The following NADK2 variants were observed in gnomAD, a reference collection of about 807,000 sequenced individuals.
NADK2 encodes NAD kinase 2, mitochondrial.
In NADK2, 35 loss-of-function variants were observed where a neutral mutation model predicts 62.1. That is an observed-to-expected ratio of 0.56 (90% confidence interval 0.43 to 0.75). The LOEUF is 0.75. NADK2 is among the 30% of genes least tolerant of loss of function. The pLI is 0.00. For missense variants in NADK2, 439 were observed against 561.3 expected (o/e 0.78, Z 2.20); for synonymous variants, 205 against 207.9 (o/e 0.99, Z 0.12).
intron 4 of NADK2, chr5:36,221,139 C>T (rs1487932599): frequency 1.3e-5 from 2 of 152,144 alleles, no homozygotes; most frequent in Non-Finnish European, 2.9e-5. Flanking sequence ...TACCACATGC[C>T]CTCTATCCCA....
intron 1 of NADK2, among the ~76,000 whole-genome samples, chr5:36,240,188 C>T (rs1312549327): frequency 6.6e-6 from 1 of 152,172 alleles, no homozygotes; most frequent in Non-Finnish European, 1.5e-5. Flanking sequence ...CCTGTTCAAA[C>T]CCTTTATTCT....
intron 1 of NADK2, among the ~76,000 whole-genome samples, chr5:36,228,506 T>C (rs1033636269): frequency 1.3e-5 from 2 of 152,146 alleles, no homozygotes; most frequent in Non-Finnish European, 1.5e-5. Flanking sequence ...GCTCTAATGA[T>C]TCTCCTGCCT....
At chr5:36,223,494 A>G (rs527460781) in intron 4 of NADK2, among the ~76,000 whole-genome samples, 3 of 152,300 alleles carry the variant, frequency 2.0e-5, no homozygotes, top group African/African-American at 7.2e-5. Context: ...TTAGCCAGTA[A>G]CCAAATAGTA....
At chr5:36,200,112 A>T in intron 10 of NADK2, 115 bp downstream of exon 10, 1 of 591,416 alleles carries the variant, frequency 1.7e-6, no homozygotes, top group Non-Finnish European at 2.7e-6. Flanking sequence ...ATATTGTATT[A>T]AAAGCATGTT....
At chr5:36,208,090 C>T (rs1241929565) in intron 7 of NADK2, among the ~76,000 whole-genome samples, 3 of 151,968 alleles carry the variant, frequency 2.0e-5, no homozygotes, top group African/African-American at 4.8e-5. Context: ...ACGATAAAAC[C>T]GTAATAAAAT....
At chr5:36,225,772 C>G (rs1367286016) in intron 3 of NADK2, 149 bp from the exon 4 acceptor site, 3 of 606,258 alleles carry the variant, frequency 4.9e-6, no homozygotes, top group Non-Finnish European at 8.7e-6. Flanking sequence ...CCTATTATAC[C>G]TTTGGATTCT....
chr5:36,223,054 G>A (rs963507659), intron 4 of NADK2, among the ~76,000 whole-genome samples: 6 of 152,266 alleles, frequency 3.9e-5, no homozygotes, highest in African/African-American at 1.4e-4. Flanking sequence ...CAGCCTGTAT[G>A]TCACATTTAA....
intron 4 of NADK2, 31 bp downstream of exon 4, chr5:36,225,511 A>T: frequency 6.3e-7 from 1 of 1,585,882 alleles, no homozygotes; most frequent in South Asian, 1.1e-5. Context: ...ACACCACACA[A>T]ATCAAACAAA....
intron 6 of NADK2, among the ~76,000 whole-genome samples, chr5:36,214,547 G>A (rs1579615118): frequency 6.6e-6 from 1 of 152,172 alleles, no homozygotes; most frequent in African/African-American, 2.4e-5. Context: ...ACACAGAAGT[G>A]TAATACTAGT....
At chr5:36,225,481 T>C in intron 4 of NADK2, 61 bp downstream of exon 4, 1 of 1,341,412 alleles carries the variant, frequency 7.5e-7, no homozygotes, top group Non-Finnish European at 1.0e-6. Context: ...ATGTATAACC[T>C]AAAAAAAAAC....
chr5:36,201,528 T>C (rs1255389705), intron 8 of NADK2, among the ~76,000 whole-genome samples: 4 of 152,096 alleles, frequency 2.6e-5, no homozygotes, highest in South Asian at 2.1e-4. Flanking sequence ...TAGGTACCCA[T>C]AGAAAGCTGA....
At chr5:36,196,042 T>A (rs1746220123) in intron 11 of NADK2, among the ~76,000 whole-genome samples, 1 of 152,190 alleles carries the variant, frequency 6.6e-6, no homozygotes, top group South Asian at 2.1e-4. Context: ...AAAATTTATA[T>A]CTCTCTTCTA....
chr5:36,219,624 A>T lies in NADK2; in HGVS notation c.616T>A (p.Leu206Ile). Reference protein sequence around the residue: ...VRYTHSFPEALQKFYRGEFRW... With the variant: ...VRYTHSFPEAIQKFYRGEFRW... ...AACTCACCACGATAGAACTTCTGTAAGGCTTCTGGAAAGGAATGTGTATAT... is the reference window on the plus strand; with the variant it reads ...AACTCACCACGATAGAACTTCTGTATGGCTTCTGGAAAGGAATGTGTATAT... Residue 206 changes from leucine to isoleucine, a missense_variant, in exon 5 of 12, where the codon TTA becomes ATA. Leu to Ile is a conservative substitution (Grantham distance 5, BLOSUM62 2). Transcript: ENST00000381937. 2 of 1,614,092 alleles carry T rather than the reference A, an allele frequency of 1.2e-6. No homozygotes were observed. Among genetic ancestry groups the T allele is most frequent in the Non-Finnish European group, 1.7e-6 (2 of 1,179,946 alleles).
chr5:36,194,880 T>C lies in NADK2; in HGVS notation c.*264A>G, dbSNP rs933895440. 9.3e-6 allele frequency: 3 copies of C among 323,586 alleles called. No individual in the cohort carries two copies. Among genetic ancestry groups the C allele is most frequent in the Non-Finnish European group, 1.7e-5 (3 of 179,112 alleles). The allele number at this position is 323,586 out of a possible 1,614,324, so 20.0% of individuals were successfully genotyped here. On this transcript the variant is annotated 3_prime_UTR_variant, in exon 12 of 12. Coordinates refer to ENST00000381937, the MANE Select transcript of NADK2 (RefSeq NM_001085411.3). ...GCCTGCCCCTCTAAATTTAAAAAGG[T>C]ATCAGCACTCTTGGTTACCAATTGT... is the stretch of plus-strand genomic sequence containing the variant.
At position 36,234,349 on chromosome 5, in the gene NADK2, G is replaced by A. The variant is rs1262623788; in HGVS notation, c.301-6784C>T. Among the ~76,000 whole-genome samples, 4 of 139,620 alleles carry A rather than the reference G, an allele frequency of 2.9e-5. No homozygotes were observed. The East Asian group carries it at 8.1e-4, about 28-fold the overall frequency. 91.6% of individuals were successfully genotyped at this position (139,620 alleles called of 152,430 possible). On this transcript the variant is annotated intron_variant, in intron 1 of 11. Transcript: ENST00000381937. ...GATCGCGCCACTGCACTCCAGCCTGGGCGACAGAGCGAAACTCCGTCTCAA... is the reference window on the plus strand; with the variant it reads ...GATCGCGCCACTGCACTCCAGCCTGAGCGACAGAGCGAAACTCCGTCTCAA...
In NADK2 at chr5:36,215,970, A is replaced by T. The variant is rs142963836; in HGVS notation, c.781+1778T>A. Reference sequence around the variant, plus strand: ...ATAAATAGCCAGTAGTGGGATTGCTAGATTGTATGGGAGTTCTATTTTAGA... The same window carrying T: ...ATAAATAGCCAGTAGTGGGATTGCTTGATTGTATGGGAGTTCTATTTTAGA... On this transcript the variant is annotated intron_variant, in intron 6 of 11. Transcript: ENST00000381937. 4.5e-3 allele frequency among the ~76,000 whole-genome samples: 690 copies of T among 152,228 alleles called. 7 individuals carry two copies. Among genetic ancestry groups the T allele is most frequent in the African/African-American group, 0.016 (667 of 41,550 alleles).
At chr5:36,242,183 A>G (rs1748170591), upstream of NADK2, 1 of 152,692 alleles carries the variant, frequency 6.5e-6, no homozygotes, top group Non-Finnish European at 1.5e-5. Flanking sequence ...CCCCCAGGCT[A>G]ACTCTATCGG....
In NADK2 at chr5:36,241,462, G is replaced by A. The variant is rs749230684; in HGVS notation, c.300+37C>T. 1.0e-5 allele frequency: 15 copies of A among 1,498,696 alleles called. No individual in the cohort carries two copies. Among genetic ancestry groups the A allele is most frequent in the Admixed American group, 8.4e-5 (4 of 47,706 alleles). 92.8% of individuals were successfully genotyped at this position (1,498,696 alleles called of 1,614,324 possible). On this transcript the variant is annotated intron_variant, in intron 1 of 11. Coordinates refer to ENST00000381937, the MANE Select transcript of NADK2 (RefSeq NM_001085411.3). This position sits in a 1 kb window ranked among gnomAD's most constrained non-coding sequence, Gnocchi z 4.9. ...CGCAGCCGCCACCAGAGCCCCGGCC[G>A]AGCCCGGGAGCGAAGCGGGGCCGAG...
At chr5:36,195,359 C>A in intron 11 of NADK2, 77 bp from the exon 12 acceptor site, 1 of 1,402,206 alleles carries the variant, frequency 7.1e-7, no homozygotes, top group Non-Finnish European at 9.5e-7. Flanking sequence ...TTTAACCTAG[C>A]AGATCATTTG....
Sources: allele counts gnomAD v4.1 joint callset (sites outside exome capture counted in the v4.1 genomes callset), GRCh38; gene constraint gnomAD v4.1.1; non-coding constraint Gnocchi (gnomAD v3.1); transcripts MANE v1.5; gene names NCBI Gene and HGNC (gene_info 2026-07-23, HGNC 2026-07-21).